The following DNAH8 variants were observed in gnomAD, a reference collection of about 807,000 sequenced individuals.
DNAH8 encodes the protein axonemal beta dynein heavy chain 8.
Under a neutral mutation model 562.1 loss-of-function variants are expected in DNAH8, and 382 were observed. The observed-to-expected ratio is 0.68, with a 90% confidence interval of 0.63 to 0.74. DNAH8 has a LOEUF of 0.74. Ranked by LOEUF, DNAH8 falls within the 30% of genes least tolerant of loss-of-function variation. The probability of loss-of-function intolerance (pLI) is 0.00; values close to 1 mark genes in which losing one functional copy is unlikely to be tolerated. For synonymous variants in DNAH8, 1,881 were observed against 1,919.4 expected, an observed-to-expected ratio of 0.98 and a Z score of 0.52; for missense variants, 5,203 against 5,620.4, an observed-to-expected ratio of 0.93 and a Z score of 2.37.
intron 71 of DNAH8, among the ~76,000 whole-genome samples, chr6:38,921,876 G>T (rs937656337): frequency 3.3e-5 from 5 of 152,114 alleles, no homozygotes; most frequent in African/African-American, 1.2e-4. Context: ...GGAGACAGGG[G>T]TGGGGCCGTT....
At chr6:38,795,404 C>A (rs867604042) in intron 21 of DNAH8, among the ~76,000 whole-genome samples, 3 of 152,124 alleles carry the variant, frequency 2.0e-5, no homozygotes, top group East Asian at 3.9e-4. Flanking sequence ...ACGGTGAAAC[C>A]CCGTCTCTAC....
At chr6:38,934,246 G>A (rs576774431) in intron 76 of DNAH8, among the ~76,000 whole-genome samples, 2 of 152,080 alleles carry the variant, frequency 1.3e-5, no homozygotes, top group Admixed American at 1.3e-4. Context: ...CCAGCTACTC[G>A]GGAGTCTGAG....
chr6:38,741,845 T>C lies in DNAH8; in HGVS notation c.1251T>C (p.Ala417=), dbSNP rs1764543296. 6.2e-7 allele frequency: 1 copy of C among 1,613,848 alleles called. No homozygotes were observed. Among genetic ancestry groups the C allele is most frequent in the African/African-American group, 1.3e-5 (1 of 74,936 alleles). ...IEQIKGPSCK[A]VINVLNVAHS... is the part of the protein sequence containing the mutation. ...AGATTAAAGGGCCAAGTTGTAAGGC[T>C]GTCATAAATGTGCTAAATGTTGCAC... The change falls in exon 8 of 93, where the codon GCT becomes GCC. Residue 417 remains alanine, a synonymous_variant. Coordinates refer to ENST00000327475, the MANE Select transcript of DNAH8 (RefSeq NM_001206927.2).
intron 57 of DNAH8, among the ~76,000 whole-genome samples, chr6:38,889,794 A>G (rs554437308): frequency 6.1e-4 from 93 of 152,292 alleles, no homozygotes; most frequent in Non-Finnish European, 1.1e-3. Flanking sequence ...GGAAAATTTC[A>G]TGTTTCCCCA....
At position 38,723,318 on chromosome 6, in the gene DNAH8, C is replaced by A; in HGVS notation, c.391-19C>A. The A allele has an allele frequency of 6.3e-7, 1 of 1,584,216 alleles. No homozygotes were observed. The highest frequency in any genetic ancestry group is 1.2e-5 in the South Asian group (1 of 85,774). The stretch of plus-strand genomic sequence containing the variant: ...TTTCTTCAGAATTGCAATTTTTGAA[C>A]TTGGTTTTCATTCCTTAGGCAAGAT... On this transcript the variant is annotated intron_variant, in intron 2 of 92. Transcript: ENST00000327475.
Position 38,866,620 on chromosome 6 carries a change from A to C in DNAH8, c.6528A>C (p.Leu2176=), listed in dbSNP as rs45532134. ...MNPGYAGRQE[L]PENLKIQFRT... ...CTGGATATGCTGGGCGCCAGGAACT[A>C]CCAGAAAACCTAAAAATCCAGTTTA... Residue 2176 remains leucine (L), a synonymous_variant, in exon 46 of 93, where the codon CTA becomes CTC. Transcript: ENST00000327475. 1.9e-3 allele frequency: 3,087 copies of C among 1,612,280 alleles called. 2 individuals are homozygous for C. The highest frequency in any genetic ancestry group is 2.4e-3 in the Non-Finnish European group (2,880 of 1,179,448).
chr6:38,921,595 G>A lies in DNAH8; in HGVS notation c.10662+89G>A. 2.1e-6 allele frequency: 3 copies of A among 1,428,966 alleles called. 1 individual carries two copies. The highest frequency in any genetic ancestry group is 3.9e-4 in the Middle Eastern group (2 of 5,110). 88.5% of individuals were successfully genotyped at this position (1,428,966 alleles called of 1,614,324 possible). ...ATTTGGAAATCAGGCAAATGGTTGT[G>A]ATGAAAAAATATTGGCCAGCATGCC... On this transcript the variant is annotated intron_variant, in intron 71 of 92. Coordinates refer to ENST00000327475, the MANE Select transcript of DNAH8 (RefSeq NM_001206927.2).
At chr6:38,924,186 A>G in intron 73 of DNAH8, 24 bp downstream of exon 73, 2 of 1,607,466 alleles carry the variant, frequency 1.2e-6, no homozygotes, top group Non-Finnish European at 1.7e-6. Flanking sequence ...TCCCAATGTT[A>G]TTTGAATTTC....
At chr6:39,001,844 A>G (rs1235196351) in intron 88 of DNAH8, among the ~76,000 whole-genome samples, 3 of 152,170 alleles carry the variant, frequency 2.0e-5, no homozygotes, top group African/African-American at 7.2e-5. Context: ...GCAGTGCCGC[A>G]CACAGAGGAT....
chr6:38,978,162 T>G (rs1252733130), intron 85 of DNAH8, among the ~76,000 whole-genome samples: 1 of 152,230 alleles, frequency 6.6e-6, no homozygotes, highest in South Asian at 2.1e-4. Flanking sequence ...TGCTCTTTTC[T>G]TTTTCATTTT....
At chr6:39,008,764 C>A in intron 88 of DNAH8, 50 bp from the exon 89 acceptor site, 2 of 1,049,266 alleles carry the variant, frequency 1.9e-6, no homozygotes, top group Non-Finnish European at 2.7e-6. Context: ...TGACACTTAT[C>A]TCTTACATGT....
intron 57 of DNAH8, among the ~76,000 whole-genome samples, chr6:38,888,138 C>T (rs114928266): frequency 0.014 from 1,908 of 140,070 alleles, 31 homozygotes; most frequent in South Asian, 0.046. Flanking sequence ...CGTGCCCATC[C>T]GGGAAAGGGC....
At chr6:38,811,249 AC>A (rs1771768806) in intron 24 of DNAH8, among the ~76,000 whole-genome samples, 1 of 152,202 alleles carries the variant, frequency 6.6e-6, no homozygotes, top group African/African-American at 2.4e-5. Flanking sequence ...GGGTAGAATG[AC>A]CACATAACTT....
chr6:38,795,816 A>G (rs949304260), intron 21 of DNAH8, among the ~76,000 whole-genome samples: 1 of 152,146 alleles, frequency 6.6e-6, no homozygotes, highest in African/African-American at 2.4e-5. Context: ...GAAACACAAT[A>G]TATGTAACAT....
chr6:38,972,498 T>G (rs1031351571), intron 83 of DNAH8, among the ~76,000 whole-genome samples: 2 of 152,210 alleles, frequency 1.3e-5, no homozygotes, highest in Non-Finnish European at 2.9e-5. Flanking sequence ...TATACATAAT[T>G]ATTTTTACTC....
In DNAH8 at chr6:38,896,116, C is replaced by T. The variant is rs778854844; in HGVS notation, c.8831C>T (p.Ser2944Leu). 1.8e-5 allele frequency: 29 copies of T among 1,613,934 alleles called. No individual in the cohort carries two copies. The highest frequency in any genetic ancestry group is 1.3e-4 in the Admixed American group (8 of 59,994). The change falls in exon 60 of 93, where the codon TCG (serine) becomes TTG (leucine). Residue 2944 changes from serine to leucine, a missense_variant. Physicochemically the swap from Ser to Leu is moderately radical, Grantham distance 145. Around this residue, in one of 6 missense-constraint regions of DNAH8, gnomAD observed 977 missense variants for 1,061.8 expected, o/e 0.92. Transcript: ENST00000327475. Reference sequence around the variant, plus strand: ...GAAAATATTGGCTCTGATGCAGCGTCGTGTATTCTTCCTGAACCATACTTT... The same window carrying T: ...GAAAATATTGGCTCTGATGCAGCGTTGTGTATTCTTCCTGAACCATACTTT... ...VEENIGSDAASCILPEPYFVD... is the reference protein window; with the variant it reads ...VEENIGSDAALCILPEPYFVD...
intron 74 of DNAH8, among the ~76,000 whole-genome samples, chr6:38,928,855 G>C (rs6940724): frequency 0.7 from 106,147 of 152,080 alleles, 37,660 homozygotes; most frequent in East Asian, 0.83. Flanking sequence ...ATGCAGAGAT[G>C]AACCACTACA....
In DNAH8 at chr6:38,722,596, G is replaced by A. The variant is rs544954675; in HGVS notation, c.-34-180G>A. Among the ~76,000 whole-genome samples the A allele has an allele frequency of 6.6e-5, 10 of 151,968 alleles. 1 individual carries two copies. The highest frequency in any genetic ancestry group is 8.8e-5 in the Non-Finnish European group (6 of 67,996). On this transcript the variant is annotated intron_variant, in intron 1 of 92. Coordinates refer to ENST00000327475, the MANE Select transcript of DNAH8 (RefSeq NM_001206927.2). Reference sequence around the variant, plus strand: ...CAGGTGGGTGGGGGTGTGTGTGTGTGTGTGTGTGCTGTCCTCACTAAAAAT... The same window carrying A: ...CAGGTGGGTGGGGGTGTGTGTGTGTATGTGTGTGCTGTCCTCACTAAAAAT...
chr6:38,813,410 C>T (rs116242037), intron 24 of DNAH8, among the ~76,000 whole-genome samples: 2 of 151,994 alleles, frequency 1.3e-5, no homozygotes, highest in African/African-American at 4.8e-5. Flanking sequence ...TCCCACCCCC[C>T]ATCTGCTTGT....
Sources: allele counts gnomAD v4.1 joint callset (sites outside exome capture counted in the v4.1 genomes callset), GRCh38; gene constraint gnomAD v4.1.1; regional missense constraint gnomAD v4.1.1; transcripts MANE v1.5; gene names NCBI Gene and HGNC (gene_info 2026-07-23, HGNC 2026-07-21).